The following PCID2 variants were observed in gnomAD, a reference collection of about 807,000 sequenced individuals.
PCID2 encodes the protein PCI domain containing 2, also known as PCI domain-containing protein 2.
PCID2 carries 41 observed loss-of-function variants against 61.3 expected under a neutral mutation model. That is an observed-to-expected ratio of 0.67 (90% CI 0.52 to 0.87). The LOEUF is 0.87. PCID2 is among the 40% of genes least tolerant of loss of function. The probability of loss-of-function intolerance (pLI) is 0.00; values close to 1 mark genes in which losing one functional copy is unlikely to be tolerated. For synonymous variants in PCID2, 187 were observed against 177.8 expected (o/e 1.05, Z -0.41); for missense variants, 392 against 493.4 (o/e 0.79, Z 1.95).
chr13:113,166,602 G>A, the PCID2 span, among the ~76,000 whole-genome samples: 12 of 152,328 alleles, frequency 7.9e-5, no homozygotes, highest in Middle Eastern at 3.4e-3. Flanking sequence ...AGAAACCGAA[G>A]GGAGGCAAAG....
intron 1 of PCID2, chr13:113,208,050 G>A: frequency 6.2e-7 from 1 of 1,612,770 alleles, no homozygotes; most frequent in Non-Finnish European, 8.5e-7. Context: ...TCTGTCAGAC[G>A]CATGTACCGA....
chr13:113,208,173 T>A, intron 1 of PCID2: 1 of 1,586,094 alleles, frequency 6.3e-7, no homozygotes, highest in Non-Finnish European at 8.6e-7. Context: ...TACTCCTCCA[T>A]CGCCTCCTGG....
At chr13:113,166,875 C>T in the PCID2 span, among the ~76,000 whole-genome samples, 8 of 152,170 alleles carry the variant, frequency 5.3e-5, no homozygotes, top group African/African-American at 9.6e-5. Flanking sequence ...AGAGAGGGTG[C>T]GGTTCTAGTC....
At chr13:113,183,433 GA>G (rs1180876763) in intron 9 of PCID2, among the ~76,000 whole-genome samples, 2 of 146,790 alleles carry the variant, frequency 1.4e-5, no homozygotes, top group Non-Finnish European at 3.0e-5. Context: ...CATATTAAGA[GA>G]AAAAAAAAGA....
chr13:113,177,029 G>A (rs575700028), downstream of PCID2, among the ~76,000 whole-genome samples: 4 of 152,356 alleles, frequency 2.6e-5, no homozygotes, highest in East Asian at 3.9e-4. Flanking sequence ...CCGTGGTGCC[G>A]AAGGGACGCG....
intron 6 of PCID2, among the ~76,000 whole-genome samples, chr13:113,191,952 TC>T (rs2038654998): frequency 6.6e-6 from 1 of 152,198 alleles, no homozygotes; most frequent in East Asian, 1.9e-4. Flanking sequence ...AAAATTAGTT[TC>T]CTTTAAAAAA....
At chr13:113,188,072 A>G (rs996631501) in intron 7 of PCID2, 1 of 152,266 alleles carries the variant, frequency 6.6e-6, no homozygotes, top group East Asian at 1.9e-4. Context: ...TGGTAAACGC[A>G]GTGAAAGAAA....
downstream of PCID2, among the ~76,000 whole-genome samples, chr13:113,176,487 T>C (rs2037188329): frequency 6.6e-6 from 1 of 152,298 alleles, no homozygotes; most frequent in Non-Finnish European, 1.5e-5. Context: ...GAGAGCCGGG[T>C]GTGGTGGCAC....
the PCID2 span, among the ~76,000 whole-genome samples, chr13:113,171,016 G>A: frequency 4.0e-5 from 6 of 151,806 alleles, no homozygotes; most frequent in Non-Finnish European, 8.8e-5. The surrounding 1 kb of genome is among the most constrained non-coding windows in gnomAD (Gnocchi z 5.1). Flanking sequence ...TCTGCCTCCT[G>A]GGTTCAAGCG....
downstream of PCID2, among the ~76,000 whole-genome samples, chr13:113,174,010 C>G (rs559716131): frequency 6.6e-6 from 1 of 151,474 alleles, no homozygotes; most frequent in Non-Finnish European, 1.5e-5. Flanking sequence ...GGGCGGATCA[C>G]GAGGTCAGGA....
downstream of PCID2, among the ~76,000 whole-genome samples, chr13:113,175,623 G>A (rs535446123): frequency 6.6e-6 from 1 of 152,140 alleles, no homozygotes; most frequent in Non-Finnish European, 1.5e-5. Flanking sequence ...AGTTTGCTCC[G>A]TGTCTGCCCC....
At chr13:113,170,500 C>T in the PCID2 span, 1 of 1,596,786 alleles carries the variant, frequency 6.3e-7, no homozygotes, top group Middle Eastern at 1.7e-4. Flanking sequence ...AAAATGTTCA[C>T]TGTTACACAG....
rs114548990 is a variant in PCID2 at position 113,180,478 on chromosome 13, G to A, written c.787-247C>T. On this transcript the variant is annotated intron_variant, in intron 10 of 13. Coordinates refer to ENST00000337344, the MANE Select transcript of PCID2 (RefSeq NM_001127202.4). The stretch of plus-strand genomic sequence containing the variant: ...GATCTTGACCTTCTCACATTTCTTC[G>A]AATTTCTATAACAGGAGAGTGATAA... Among the ~76,000 whole-genome samples the A allele has an allele frequency of 6.2e-3, 950 of 152,212 alleles. 15 individuals carry two copies. Among genetic ancestry groups the A allele is most frequent in the African/African-American group, 0.022 (907 of 41,506 alleles).
chr13:113,169,041 A>AT, the PCID2 span, among the ~76,000 whole-genome samples: 1 of 151,628 alleles, frequency 6.6e-6, no homozygotes, highest in African/African-American at 2.4e-5. Context: ...TTATTTTCAG[A>AT]TTTTTTTTCT....
In PCID2 at chr13:113,179,222, A is replaced by G. The variant is rs1473898515; in HGVS notation, c.987-133T>C. ...TTCCCACCTATTAGATAAACTCTAA[A>G]CTACACTCTCAGAGCTATTAAATCT... is the stretch of plus-strand genomic sequence containing the variant. On this transcript the variant is annotated intron_variant, in intron 12 of 13. Coordinates refer to ENST00000337344, the MANE Select transcript of PCID2 (RefSeq NM_001127202.4). This position sits in a 1 kb window ranked among gnomAD's most constrained non-coding sequence, Gnocchi z 4.3. The G allele has an allele frequency of 1.6e-6, 1 of 609,798 alleles. No individual in the cohort carries two copies. Among genetic ancestry groups the G allele is most frequent in the Non-Finnish European group, 2.8e-6 (1 of 361,558 alleles). 37.8% of individuals were successfully genotyped at this position (609,798 alleles called of 1,614,324 possible).
At chr13:113,181,646 T>C (rs1413874326) in intron 9 of PCID2, among the ~76,000 whole-genome samples, 2 of 152,148 alleles carry the variant, frequency 1.3e-5, no homozygotes, top group Non-Finnish European at 2.9e-5. Flanking sequence ...ACAATGAAAA[T>C]AACTTAGTAA....
intron 1 of PCID2, chr13:113,207,958 T>C (rs2040028847): frequency 2.2e-6 from 3 of 1,363,462 alleles, no homozygotes; most frequent in Non-Finnish European, 3.2e-6. Context: ...AGGCATAGTT[T>C]AGTGGAAAGA....
chr13:113,179,741 C>G lies in PCID2; in HGVS notation c.986+176G>C, dbSNP rs921279273. Among the ~76,000 whole-genome samples, 1 of 152,170 alleles carries G rather than the reference C, an allele frequency of 6.6e-6. No individual in the cohort carries two copies. Among genetic ancestry groups the G allele is most frequent in the Non-Finnish European group, 1.5e-5 (1 of 68,018 alleles). Reference sequence around the variant, plus strand: ...CACAGCTTGTGCTACTCACGTGTCTCGCGCAGGGTCCCCAGGAGGCAGTGG... The same window carrying G: ...CACAGCTTGTGCTACTCACGTGTCTGGCGCAGGGTCCCCAGGAGGCAGTGG... On this transcript the variant is annotated intron_variant, in intron 12 of 13. Transcript: ENST00000337344. The surrounding 1 kb of genome is among the most constrained non-coding windows in gnomAD (Gnocchi z 4.3).
chr13:113,169,042 T>C, the PCID2 span, among the ~76,000 whole-genome samples: 1 of 152,094 alleles, frequency 6.6e-6, no homozygotes, highest in Non-Finnish European at 1.5e-5. Context: ...TATTTTCAGA[T>C]TTTTTTTCTC....
Sources: gnomAD v4.1 joint callset for allele counts (sites outside exome capture counted in the v4.1 genomes callset) on GRCh38, gnomAD v4.1.1 for gene constraint, Gnocchi (gnomAD v3.1) non-coding constraint, MANE v1.5 for transcripts, NCBI Gene and HGNC (gene_info 2026-07-23, HGNC 2026-07-21) for gene names.